The following DGKI variants were observed in gnomAD, a reference collection of about 807,000 sequenced individuals.
DGKI encodes diacylglycerol kinase iota.
In DGKI, 55 loss-of-function variants were observed where a neutral mutation model predicts 147.5. That is an observed-to-expected ratio of 0.37 (90% CI 0.30 to 0.47). The LOEUF (loss-of-function observed/expected upper bound fraction) is 0.47, where lower values mean the gene tolerates loss of function less well. Among genes scored for constraint, DGKI ranks in the 20% least tolerant of loss-of-function variants. The probability of loss-of-function intolerance (pLI) is 1.00; values close to 1 mark genes in which losing one functional copy is unlikely to be tolerated. For missense variants in DGKI, 1,007 were observed against 1,323.8 expected (o/e 0.76, Z 3.71); for synonymous variants, 469 against 477.1 (o/e 0.98, Z 0.22).
chr7:137,482,059 A>G (rs190818076), intron 23 of DGKI, among the ~76,000 whole-genome samples: 4 of 152,126 alleles, frequency 2.6e-5, no homozygotes, highest in African/African-American at 9.6e-5. Context: ...TTTCTGCACT[A>G]AGAAATAAAA....
At chr7:137,579,555 C>A (rs2128980285) in intron 15 of DGKI, among the ~76,000 whole-genome samples, 1 of 151,998 alleles carries the variant, frequency 6.6e-6, no homozygotes, top group East Asian at 1.9e-4. Flanking sequence ...AAAGTCCATA[C>A]CTCTGGTCTA....
At chr7:137,677,911 A>G (rs1284667854) in intron 3 of DGKI, among the ~76,000 whole-genome samples, 1 of 152,184 alleles carries the variant, frequency 6.6e-6, no homozygotes, top group African/African-American at 2.4e-5. Flanking sequence ...TATCTCCACA[A>G]TGCACTACTT....
chr7:137,401,916 G>A (rs989107707), intron 30 of DGKI, among the ~76,000 whole-genome samples: 1 of 152,144 alleles, frequency 6.6e-6, no homozygotes, highest in African/African-American at 2.4e-5. Context: ...CGACATTCAC[G>A]TGGTGCCACC....
At chr7:137,775,689 G>A (rs967594041) in intron 1 of DGKI, among the ~76,000 whole-genome samples, 2 of 152,188 alleles carry the variant, frequency 1.3e-5, no homozygotes, top group African/African-American at 4.8e-5. Context: ...AAAGATGTAA[G>A]AGAATGTTTT....
At chr7:137,648,064 G>A (rs1821892339) in intron 5 of DGKI, among the ~76,000 whole-genome samples, 1 of 151,948 alleles carries the variant, frequency 6.6e-6, no homozygotes, top group African/African-American at 2.4e-5. Context: ...TATTCAACAT[G>A]ACACACCAAC....
chr7:137,651,201 T>A (rs1822014903), intron 5 of DGKI, among the ~76,000 whole-genome samples: 1 of 152,218 alleles, frequency 6.6e-6, no homozygotes, highest in African/African-American at 2.4e-5. Flanking sequence ...ATCACTCCTT[T>A]AAGTCATGGG....
chr7:137,493,974 T>C (rs1815868420), intron 21 of DGKI: 1 of 550,240 alleles, frequency 1.8e-6, no homozygotes, highest in South Asian at 2.5e-5. Flanking sequence ...ATGACCATTT[T>C]AAGAAATAAC....
intron 1 of DGKI, among the ~76,000 whole-genome samples, chr7:137,788,294 T>A (rs901581529): frequency 2.6e-5 from 4 of 152,102 alleles, no homozygotes; most frequent in Non-Finnish European, 5.9e-5. Context: ...ATGGGGTTCA[T>A]TTAAAACTCA....
chr7:137,816,923 G>A (rs1000914475), intron 1 of DGKI, among the ~76,000 whole-genome samples: 1 of 152,156 alleles, frequency 6.6e-6, no homozygotes, highest in Non-Finnish European at 1.5e-5. Flanking sequence ...CCTGTGCATT[G>A]CAGGATGTTT....
At chr7:137,628,909 T>G (rs529350237) in intron 6 of DGKI, among the ~76,000 whole-genome samples, 45 of 152,338 alleles carry the variant, frequency 3.0e-4, no homozygotes, top group African/African-American at 1.1e-3. Context: ...AGGGCTTGAC[T>G]TAAGATAAGC....
At chr7:137,576,102 G>A (rs576963610) in intron 17 of DGKI, among the ~76,000 whole-genome samples, 2 of 147,042 alleles carry the variant, frequency 1.4e-5, no homozygotes, top group Non-Finnish European at 3.0e-5. Flanking sequence ...GCAGTGGTGC[G>A]GTCTCGGCTC....
chr7:137,500,240 C>T (rs1176495644), intron 21 of DGKI, among the ~76,000 whole-genome samples: 1 of 152,172 alleles, frequency 6.6e-6, no homozygotes, highest in Non-Finnish European at 1.5e-5. Context: ...CCTCCATTAA[C>T]CCTCTTTCCC....
intron 32 of DGKI, among the ~76,000 whole-genome samples, chr7:137,393,554 C>A (rs187890264): frequency 6.6e-6 from 1 of 152,308 alleles, no homozygotes; most frequent in Non-Finnish European, 1.5e-5. Context: ...CTCAATCAGG[C>A]TAAACATCAA....
chr7:137,715,154 C>G (rs746224933), intron 1 of DGKI, among the ~76,000 whole-genome samples: 10 of 152,142 alleles, frequency 6.6e-5, no homozygotes, highest in Non-Finnish European at 1.3e-4. Flanking sequence ...GACCAGTGGT[C>G]TGGTTTTTGA....
chr7:137,408,148 G>A (rs1292300925), intron 29 of DGKI, among the ~76,000 whole-genome samples, 153 bp from the exon 30 acceptor site: 1 of 152,184 alleles, frequency 6.6e-6, no homozygotes, highest in Non-Finnish European at 1.5e-5. Context: ...TAACATTCCT[G>A]GACTGTGTTA....
intron 1 of DGKI, among the ~76,000 whole-genome samples, chr7:137,701,643 T>A (rs1334330619): frequency 6.6e-6 from 1 of 152,088 alleles, no homozygotes. Flanking sequence ...AATAAAATAT[T>A]TGTAAGACCT....
chr7:137,800,309 C>T (rs556927891), intron 1 of DGKI, among the ~76,000 whole-genome samples: 1 of 152,166 alleles, frequency 6.6e-6, no homozygotes, highest in Admixed American at 6.5e-5. Flanking sequence ...AAATGTAATC[C>T]CCAGTGTTGG....
chr7:137,778,111 A>G (rs940084582), intron 1 of DGKI, among the ~76,000 whole-genome samples: 7 of 152,234 alleles, frequency 4.6e-5, no homozygotes, highest in Non-Finnish European at 1.0e-4. Flanking sequence ...TAACAAAAAC[A>G]TTAGGAAAAT....
chr7:137,564,817 T>G (rs1262679609), intron 19 of DGKI, among the ~76,000 whole-genome samples: 1 of 152,256 alleles, frequency 6.6e-6, no homozygotes, highest in Non-Finnish European at 1.5e-5. Context: ...ATCACTTCTC[T>G]GAGCACAAGG....
Sources: allele counts gnomAD v4.1 joint callset (sites outside exome capture counted in the v4.1 genomes callset), GRCh38; gene constraint gnomAD v4.1.1; transcripts MANE v1.5; gene names NCBI Gene and HGNC (gene_info 2026-07-23, HGNC 2026-07-21).